The following FAM13B variants were observed in gnomAD, a reference collection of about 807,000 sequenced individuals.
FAM13B encodes family with sequence similarity 13 member B.
Under a neutral mutation model 117.3 loss-of-function variants are expected in FAM13B, and 60 were observed. That is an observed-to-expected ratio of 0.51 (90% confidence interval 0.42 to 0.63). The LOEUF is 0.63. Among genes scored for constraint, FAM13B ranks in the 30% least tolerant of loss-of-function variants. The pLI is 0.00. For synonymous variants in FAM13B, 332 were observed against 356.1 expected, an observed-to-expected ratio of 0.93 and a Z score of 0.76; for missense variants, 972 against 1,091.9, an observed-to-expected ratio of 0.89 and a Z score of 1.55.
chr5:138,039,589 C>T (rs1039259556), intron 1 of FAM13B: 1 of 150,156 alleles, frequency 6.7e-6, no homozygotes, highest in African/African-American at 2.5e-5. Flanking sequence ...GCATGTGCCA[C>T]CATGCCCAGC....
intron 16 of FAM13B, among the ~76,000 whole-genome samples, 191 bp from the exon 17 acceptor site, chr5:137,952,900 G>T (rs1765438914): frequency 6.6e-6 from 1 of 152,200 alleles, no homozygotes; most frequent in African/African-American, 2.4e-5. Context: ...GCAGAAGCCA[G>T]ATTTGAATAT....
intron 7 of FAM13B, among the ~76,000 whole-genome samples, chr5:137,994,034 G>T (rs1486128589): frequency 6.6e-6 from 1 of 152,152 alleles, no homozygotes; most frequent in Non-Finnish European, 1.5e-5. Flanking sequence ...AGAGGCAAAA[G>T]TTCCAGTGGC....
At position 137,940,216 on chromosome 5, in the gene FAM13B, G is replaced by A. The variant is rs751795696; in HGVS notation, c.*9C>T. On this transcript the variant is annotated 3_prime_UTR_variant, in exon 24 of 24. Transcript: ENST00000689681. ...TGACTTTATGATATGAATTTTCAAG[G>A]AACGTATCTTATATGGATTTTGAAG... 1 of 1,613,894 alleles carries A rather than the reference G, an allele frequency of 6.2e-7. No homozygotes were observed. The highest frequency in any genetic ancestry group is 1.1e-5 in the South Asian group (1 of 91,052).
chr5:138,026,987 T>TA (rs1423306120), intron 1 of FAM13B, among the ~76,000 whole-genome samples: 1 of 138,392 alleles, frequency 7.2e-6, no homozygotes, highest in Admixed American at 7.0e-5. Flanking sequence ...ATAAATAAAT[T>TA]AGCGAAGTGT....
At position 137,976,405 on chromosome 5, in the gene FAM13B, A is replaced by ATAATTTTTCTTTAAT. The variant is rs1774008667; in HGVS notation, c.1179+8851_1179+8852insATTAAAGAAAAATTA. Among the ~76,000 whole-genome samples the ATAATTTTTCTTTAAT allele has an allele frequency of 2.0e-5, 3 of 152,186 alleles. No individual in the cohort carries two copies. The South Asian group carries it at 6.2e-4, about 31-fold the overall frequency. ...CTTTACCAATAATTTCTATCACTAA[A>ATAATTTTTCTTTAAT]TGCAATAAATTTTCTTTAATTGGAA... On this transcript the variant is annotated intron_variant, in intron 10 of 23. Transcript: ENST00000689681.
At chr5:138,047,107 A>C (rs1489379317) in intron 1 of FAM13B, among the ~76,000 whole-genome samples, 1 of 152,160 alleles carries the variant, frequency 6.6e-6, no homozygotes, top group Non-Finnish European at 1.5e-5. Flanking sequence ...CTATCTGTAG[A>C]GAAGAAACAA....
chr5:138,039,599 C>CT (rs55948416), intron 1 of FAM13B: 2,948 of 141,144 alleles, frequency 0.021, 34 homozygotes, highest in Non-Finnish European at 0.032. Flanking sequence ...CCATGCCCAG[C>CT]TTTTTTTTTT....
At chr5:137,962,503 G>A in intron 10 of FAM13B, 34 bp from the exon 11 acceptor site, 1 of 1,582,992 alleles carries the variant, frequency 6.3e-7, no homozygotes, top group Non-Finnish European at 8.6e-7. Context: ...TATTAATGGA[G>A]CTCCCAATAC....
At chr5:138,025,873 A>G (rs981179368) in intron 1 of FAM13B, among the ~76,000 whole-genome samples, 1 of 152,244 alleles carries the variant, frequency 6.6e-6, no homozygotes, top group East Asian at 1.9e-4. Flanking sequence ...GCCAACTTAC[A>G]AATATACTAC....
At position 137,979,476 on chromosome 5, in the gene FAM13B, A is replaced by G. The variant is rs185712354; in HGVS notation, c.1179+5781T>C. On this transcript the variant is annotated intron_variant, in intron 10 of 23. Transcript: ENST00000689681. ...CATTCCCTCTGCTTCAAAGTTTTCT[A>G]TATTTTTCTTCTACTGAGAAAATCT... Among the ~76,000 whole-genome samples, 6 of 152,282 alleles carry G rather than the reference A, an allele frequency of 3.9e-5. No homozygotes were observed. The South Asian group carries it at 8.3e-4, about 21-fold the overall frequency.
At chr5:138,001,130 A>T (rs1411489233) in intron 7 of FAM13B, among the ~76,000 whole-genome samples, 2 of 152,164 alleles carry the variant, frequency 1.3e-5, no homozygotes, top group Admixed American at 1.3e-4. Context: ...CAAAAGTTTG[A>T]GAAATGCTAA....
upstream of FAM13B, among the ~76,000 whole-genome samples, chr5:138,035,423 A>G (rs1178295981): frequency 6.6e-6 from 1 of 152,202 alleles, no homozygotes; most frequent in Non-Finnish European, 1.5e-5. Flanking sequence ...TGGAAGATAT[A>G]TTCTCTAGAT....
chr5:138,017,366 C>T (rs1561534738), intron 4 of FAM13B, among the ~76,000 whole-genome samples: 1 of 152,096 alleles, frequency 6.6e-6, no homozygotes, highest in Non-Finnish European at 1.5e-5. Flanking sequence ...CAACATAATA[C>T]TTAAGGATAT....
rs755992514 is a variant in FAM13B at position 137,940,221 on chromosome 5, T to A, written c.*4A>T. 22 of 1,613,950 alleles carry A rather than the reference T, an allele frequency of 1.4e-5. No homozygotes were observed. In the South Asian group the frequency reaches 2.0e-4, roughly 15 times the overall value. On this transcript the variant is annotated 3_prime_UTR_variant, in exon 24 of 24. Coordinates refer to ENST00000689681, the MANE Select transcript of FAM13B (RefSeq NM_001385994.1). ...TTATGATATGAATTTTCAAGGAACG[T>A]ATCTTATATGGATTTTGAAGAATCT...
intron 13 of FAM13B, among the ~76,000 whole-genome samples, chr5:137,957,984 T>C (rs1184488990): frequency 3.9e-5 from 6 of 152,244 alleles, no homozygotes; most frequent in Non-Finnish European, 8.8e-5. Flanking sequence ...TATTCTTCTA[T>C]GTTTAAAATT....
Position 137,962,483 on chromosome 5 carries a change from C to G in FAM13B, c.1180-14G>C, listed in dbSNP as rs1768413184. The G allele has an allele frequency of 1.2e-6, 2 of 1,610,840 alleles. No homozygotes were observed. The highest frequency in any genetic ancestry group is 2.7e-5 in the African/African-American group (2 of 74,922). Reference sequence around the variant, plus strand: ...TATACCTACAGACTGACAAAAAGAACACTACCATGTATTAATGGAGCTCCC... The same window carrying G: ...TATACCTACAGACTGACAAAAAGAAGACTACCATGTATTAATGGAGCTCCC... On this transcript the variant is annotated splice_polypyrimidine_tract_variant and intron_variant, in intron 10 of 23. Transcript: ENST00000689681.
chr5:138,006,952 A>G (rs981695297), intron 7 of FAM13B, 38 bp downstream of exon 7: 3 of 1,556,838 alleles, frequency 1.9e-6, no homozygotes, highest in Non-Finnish European at 1.7e-6. Context: ...TTAGAATGAA[A>G]TACTCAAAAG....
chr5:138,029,560 T>C (rs972552580), intron 1 of FAM13B, among the ~76,000 whole-genome samples: 4 of 152,166 alleles, frequency 2.6e-5, no homozygotes, highest in African/African-American at 4.8e-5. Flanking sequence ...TGAAAAAAAC[T>C]CCCATCTTAC....
chr5:138,009,487 C>T (rs1185582433), intron 6 of FAM13B, among the ~76,000 whole-genome samples: 1 of 149,472 alleles, frequency 6.7e-6, no homozygotes, highest in Non-Finnish European at 1.5e-5. Context: ...GAAACACTGG[C>T]CAAAAAAAAA....
Sources: gnomAD v4.1 joint callset for allele counts (sites outside exome capture counted in the v4.1 genomes callset) on GRCh38, gnomAD v4.1.1 for gene constraint, MANE v1.5 for transcripts, NCBI Gene and HGNC (gene_info 2026-07-23, HGNC 2026-07-21) for gene names.